The following SGCG variants were observed in gnomAD, a reference collection of about 807,000 sequenced individuals.
SGCG encodes sarcoglycan gamma, also known as gamma-sarcoglycan.
In SGCG, 26 loss-of-function variants were observed where a neutral mutation model predicts 29.3. That is an observed-to-expected ratio of 0.89 (90% CI 0.65 to 1.23). The LOEUF is 1.23. SGCG is among the 50% of genes most tolerant of loss of function. SGCG has a pLI of 0.00. For missense variants in SGCG, 353 were observed against 356.0 expected, an observed-to-expected ratio of 0.99 and a Z score of 0.07; for synonymous variants, 145 against 129.7, an observed-to-expected ratio of 1.12 and a Z score of -0.80.
At chr13:23,185,607 G>T (rs1565991009) in intron 1 of SGCG, among the ~76,000 whole-genome samples, 1 of 151,946 alleles carries the variant, frequency 6.6e-6, no homozygotes, top group Non-Finnish European at 1.5e-5. Context: ...TTGAAAAAAA[G>T]AAAAAAAATC....
intron 4 of SGCG, among the ~76,000 whole-genome samples, chr13:23,251,774 C>G (rs1879978994): frequency 6.6e-6 from 1 of 152,030 alleles, no homozygotes; most frequent in Non-Finnish European, 1.5e-5. Context: ...TATATATATT[C>G]ACTATACTAT....
At chr13:23,210,927 C>T (rs35373772) in intron 2 of SGCG, among the ~76,000 whole-genome samples, 20 of 140,162 alleles carry the variant, frequency 1.4e-4, no homozygotes, top group South Asian at 8.6e-4. Flanking sequence ...GAACCATGTC[C>T]GAAAAAAGTC....
intron 3 of SGCG, among the ~76,000 whole-genome samples, chr13:23,241,148 C>CAAAAAAAAA (rs150540516): frequency 2.1e-5 from 2 of 95,600 alleles, no homozygotes; most frequent in South Asian, 3.9e-4. Context: ...GACTCCATCT[C>CAAAAAAAAA]AAAAAAAAAA....
the SGCG span, among the ~76,000 whole-genome samples, chr13:23,172,325 A>G: frequency 6.6e-6 from 1 of 152,208 alleles, no homozygotes; most frequent in Admixed American, 6.5e-5. Flanking sequence ...AAAACATAAC[A>G]CTTAGGAAAG....
At chr13:23,276,965 G>A (rs1881103446) in intron 4 of SGCG, among the ~76,000 whole-genome samples, 1 of 152,204 alleles carries the variant, frequency 6.6e-6, no homozygotes, top group Non-Finnish European at 1.5e-5. Flanking sequence ...TCAATGCTTA[G>A]CACAGAACCT....
chr13:23,244,186 C>G (rs1025383182), intron 3 of SGCG: 1 of 152,170 alleles, frequency 6.6e-6, no homozygotes, highest in Middle Eastern at 3.4e-3. Context: ...ACAACACCAC[C>G]GTATCAGGAT....
At chr13:23,239,918 G>A (rs1159113201) in intron 3 of SGCG, among the ~76,000 whole-genome samples, 2 of 152,098 alleles carry the variant, frequency 1.3e-5, no homozygotes, top group African/African-American at 2.4e-5. Flanking sequence ...AGTTGAATAT[G>A]AAAACAAATA....
At chr13:23,220,910 G>A (rs544981733) in intron 2 of SGCG, among the ~76,000 whole-genome samples, 2 of 152,144 alleles carry the variant, frequency 1.3e-5, no homozygotes, top group South Asian at 2.1e-4. Context: ...TAACCTTCCC[G>A]CTAAATCCTA....
the SGCG span, chr13:23,170,693 A>C: frequency 6.6e-6 from 1 of 152,266 alleles, no homozygotes; most frequent in South Asian, 2.1e-4. Context: ...GTATCCAGGC[A>C]CACATTTTCA....
At chr13:23,268,284 A>C in intron 4 of SGCG, 1 of 152,204 alleles carries the variant, frequency 6.6e-6, no homozygotes, top group Middle Eastern at 3.2e-3. Context: ...TGACAGTAGG[A>C]ATCAATGCTA....
At chr13:23,221,695 G>T (rs1878662753) in intron 2 of SGCG, among the ~76,000 whole-genome samples, 1 of 149,870 alleles carries the variant, frequency 6.7e-6, no homozygotes, top group Admixed American at 6.6e-5. Context: ...TCCTATGAGG[G>T]ACTCAAAATG....
intron 6 of SGCG, among the ~76,000 whole-genome samples, chr13:23,304,612 G>A (rs1431927193): frequency 6.6e-6 from 1 of 151,576 alleles, no homozygotes; most frequent in East Asian, 1.9e-4. Flanking sequence ...TTTGGCGGCG[G>A]GGAGGGGAGC....
intron 1 of SGCG, among the ~76,000 whole-genome samples, chr13:23,189,435 C>G (rs1332322619): frequency 6.6e-6 from 1 of 152,202 alleles, no homozygotes; most frequent in Non-Finnish European, 1.5e-5. Context: ...CCTTGGCCTC[C>G]AAAGTGCTGG....
chr13:23,203,705 A>C lies in SGCG; in HGVS notation c.11A>C (p.Glu4Ala), dbSNP rs1877861164. 1.2e-6 allele frequency: 2 copies of C among 1,612,724 alleles called. No individual in the cohort carries two copies. The highest frequency in any genetic ancestry group is 4.5e-5 in the East Asian group (2 of 44,860). ...CACACTCCGTGGCAGATGGTGCGTGAGCAGTACACTACAGCCACAGAAGGC... is the reference window on the plus strand; with the variant it reads ...CACACTCCGTGGCAGATGGTGCGTGCGCAGTACACTACAGCCACAGAAGGC... MVR[E>A]QYTTATEGIC... is the part of the protein sequence containing the mutation. The change falls in exon 2 of 8, where the codon GAG becomes GCG. Residue 4 changes from glutamate to alanine, a missense_variant. Glu to Ala is a moderately radical substitution (Grantham distance 107). Coordinates refer to ENST00000218867, the MANE Select transcript of SGCG (RefSeq NM_000231.3).
chr13:23,169,658 A>G, the SGCG span, among the ~76,000 whole-genome samples: 1 of 150,144 alleles, frequency 6.7e-6, no homozygotes, highest in Non-Finnish European at 1.5e-5. Context: ...CAGCCCAGCA[A>G]CAGAGAGAGA....
At chr13:23,210,196 A>T (rs1878138160) in intron 2 of SGCG, among the ~76,000 whole-genome samples, 1 of 152,192 alleles carries the variant, frequency 6.6e-6, no homozygotes, top group South Asian at 2.1e-4. Flanking sequence ...GAAGTAAATT[A>T]TTCTTTTTTG....
At chr13:23,215,373 C>A (rs1454464814) in intron 2 of SGCG, among the ~76,000 whole-genome samples, 4 of 152,120 alleles carry the variant, frequency 2.6e-5, no homozygotes, top group Non-Finnish European at 5.9e-5. Context: ...ACCAACTAAT[C>A]TTATTTACTT....
At chr13:23,300,809 TAA>T (rs58050317) in intron 6 of SGCG, among the ~76,000 whole-genome samples, 41 of 122,466 alleles carry the variant, frequency 3.3e-4, no homozygotes, top group African/African-American at 8.3e-4. Context: ...ACTAGTTTAC[TAA>T]AAAAAAAAAA....
rs373623927 is a variant in SGCG, at chr13:23,324,832, A to G, written c.*291A>G. On this transcript the variant is annotated 3_prime_UTR_variant, in exon 8 of 8. Coordinates refer to ENST00000218867, the MANE Select transcript of SGCG (RefSeq NM_000231.3). ...AATTCTCTCTGCCTCGCCTCCCCCT[A>G]TCTTGTCCGTGTGGGCACACACTGA... 55 of 416,458 alleles carry G rather than the reference A, an allele frequency of 1.3e-4. 1 individual carries two copies. In the East Asian group the frequency reaches 3.0e-3, roughly 23 times the overall value. The allele number at this position is 416,458 out of a possible 1,614,324, so 25.8% of individuals were successfully genotyped here.
Sources: gnomAD v4.1 joint callset for allele counts (sites outside exome capture counted in the v4.1 genomes callset) on GRCh38, gnomAD v4.1.1 for gene constraint, MANE v1.5 for transcripts, NCBI Gene and HGNC (gene_info 2026-07-23, HGNC 2026-07-21) for gene names.